CTIF: variants seen among roughly 807,000 people sequenced by gnomAD.
CTIF encodes the protein CBP80/20-dependent translation initiation factor.
Under a neutral mutation model 66.0 loss-of-function variants are expected in CTIF, and 21 were observed. The ratio of observed to expected loss-of-function variants is 0.32; its 90% confidence interval spans 0.23 to 0.46. CTIF has a LOEUF of 0.46. CTIF is among the 20% of genes least tolerant of loss of function. CTIF has a pLI of 1.00. For synonymous variants in CTIF, 345 were observed against 326.4 expected (o/e 1.06, Z -0.62); for missense variants, 739 against 812.7 (o/e 0.91, Z 1.10).
intron 9 of CTIF, among the ~76,000 whole-genome samples, chr18:48,795,002 T>C (rs1315599819): frequency 6.6e-6 from 1 of 151,822 alleles, no homozygotes; most frequent in Non-Finnish European, 1.5e-5. Context: ...CTGGCGAGAG[T>C]CCTGTGTGAG....
chr18:48,603,509 G>GGATGGATA lies in CTIF; in HGVS notation c.-28-16022_-28-16021insAGATGGAT, dbSNP rs1310105832. On this transcript the variant is annotated intron_variant, in intron 1 of 11. Transcript: ENST00000256413. ...TGGGTGGGTGGGTGGGTGGATGGAT[G>GGATGGATA]GATGGATGGATGGATGGATAGATGG... Among the ~76,000 whole-genome samples the GGATGGATA allele has an allele frequency of 4.0e-5, 6 of 150,190 alleles. No individual in the cohort carries two copies. In the South Asian group the frequency reaches 1.1e-3, roughly 27 times the overall value.
chr18:48,761,811 C>A lies in CTIF; in HGVS notation c.1371+122C>A. The A allele has an allele frequency of 1.0e-6, 1 of 977,774 alleles. No individual in the cohort carries two copies. Among genetic ancestry groups the A allele is most frequent in the Middle Eastern group, 3.3e-4 (1 of 3,020 alleles). 60.6% of individuals were successfully genotyped at this position (977,774 alleles called of 1,614,324 possible). On this transcript the variant is annotated intron_variant, in intron 9 of 11. Transcript: ENST00000256413. This position sits in a 1 kb window ranked among gnomAD's most constrained non-coding sequence, Gnocchi z 4.2. ...GGACTTTTCCCAAGTTCCGCCCTTG[C>A]CCGATTAATTATAGAAAACACAAAG...
At chr18:48,836,363 A>C (rs2068809641) in intron 10 of CTIF, among the ~76,000 whole-genome samples, 1 of 152,070 alleles carries the variant, frequency 6.6e-6, no homozygotes. Flanking sequence ...GCCTGATTCT[A>C]AGGGCTGTGT....
At chr18:48,787,220 G>T (rs1911790079) in intron 9 of CTIF, among the ~76,000 whole-genome samples, 1 of 151,892 alleles carries the variant, frequency 6.6e-6, no homozygotes, top group Non-Finnish European at 1.5e-5. Flanking sequence ...TAGGGCAAAG[G>T]AGGGGCCCAG....
In CTIF at chr18:48,807,645, A is replaced by G. The variant is rs192139999; in HGVS notation, c.1372-9576A>G. Among the ~76,000 whole-genome samples, 86 of 150,234 alleles carry G rather than the reference A, an allele frequency of 5.7e-4. 1 individual carries two copies. The highest frequency in any genetic ancestry group is 1.9e-3 in the African/African-American group (79 of 40,698). ...GCCCAGGCTGGAGTGCAGTGGCGCA[A>G]TCTCGGCTCACTGCAACTTCCACCT... On this transcript the variant is annotated intron_variant, in intron 9 of 11. Transcript: ENST00000256413.
chr18:48,839,698 G>T (rs2068894159), intron 10 of CTIF, among the ~76,000 whole-genome samples: 1 of 152,164 alleles, frequency 6.6e-6, no homozygotes. Context: ...TGCAACATCT[G>T]TCTTCCCTCC....
At chr18:48,717,483 A>G (rs1158370890) in intron 7 of CTIF, among the ~76,000 whole-genome samples, 1 of 152,034 alleles carries the variant, frequency 6.6e-6, no homozygotes. Context: ...TCCTCTGCCA[A>G]CGTGAACCCA....
rs370344340 is a variant in CTIF, at chr18:48,559,868, C to T, written c.-29+20556C>T. On this transcript the variant is annotated intron_variant, in intron 1 of 11. Transcript: ENST00000256413. ...TTGGGTACAGTGTTCACTATTCAGG[C>T]ATGAGTACACTAAAAGCCCAGACTT... Among the ~76,000 whole-genome samples the T allele has an allele frequency of 1.0e-3, 155 of 152,274 alleles. 1 individual carries two copies. The highest frequency in any genetic ancestry group is 6.8e-3 in the Middle Eastern group (2 of 294).
chr18:48,768,498 G>T (rs1184852226), intron 9 of CTIF, among the ~76,000 whole-genome samples: 3 of 152,192 alleles, frequency 2.0e-5, no homozygotes, highest in African/African-American at 7.2e-5. Flanking sequence ...TTATACATGG[G>T]GAAAGTGGCT....
chr18:48,755,607 G>A (rs1000087224), intron 7 of CTIF: 5 of 152,272 alleles, frequency 3.3e-5, no homozygotes, highest in Admixed American at 6.5e-5. Context: ...GAGGAGGGGG[G>A]TGTGTTTGGG....
chr18:48,757,047 G>A (rs999050541), intron 7 of CTIF, among the ~76,000 whole-genome samples: 2 of 152,138 alleles, frequency 1.3e-5, no homozygotes, highest in African/African-American at 4.8e-5. Context: ...TCTGAGGCCT[G>A]TCTCCTTGGT....
chr18:48,671,331 C>T (rs1376737150), intron 6 of CTIF, among the ~76,000 whole-genome samples: 1 of 152,136 alleles, frequency 6.6e-6, no homozygotes, highest in Non-Finnish European at 1.5e-5. Context: ...AGTCTAGCTG[C>T]TCTCAGGAGT....
intron 1 of CTIF, among the ~76,000 whole-genome samples, chr18:48,577,724 C>T (rs1002929682): frequency 3.3e-5 from 5 of 152,262 alleles, no homozygotes. Context: ...AGGTACACAC[C>T]ACCATGCCTG....
chr18:48,543,407 C>T (rs979964716), intron 1 of CTIF, among the ~76,000 whole-genome samples: 5 of 152,168 alleles, frequency 3.3e-5, no homozygotes, highest in African/African-American at 4.8e-5. Flanking sequence ...GCTGACTCAC[C>T]GGCACCCTGA....
intron 6 of CTIF, among the ~76,000 whole-genome samples, chr18:48,706,360 T>G (rs924267620): frequency 6.6e-6 from 1 of 152,054 alleles, no homozygotes; most frequent in Non-Finnish European, 1.5e-5. Context: ...CATAGACGGG[T>G]GGGTGGCTGG....
chr18:48,841,717 C>T (rs1273653984), intron 10 of CTIF, among the ~76,000 whole-genome samples: 4 of 151,952 alleles, frequency 2.6e-5, no homozygotes, highest in Admixed American at 6.5e-5. Context: ...CCCACCAGCC[C>T]GGTGCCTGGG....
At chr18:48,724,427 G>A (rs768531373) in intron 7 of CTIF, among the ~76,000 whole-genome samples, 3 of 151,890 alleles carry the variant, frequency 2.0e-5, no homozygotes, top group African/African-American at 4.8e-5. Context: ...CAGTCTTCTC[G>A]CTGTTCTTTG....
At chr18:48,764,545 G>A (rs905407886) in intron 9 of CTIF, among the ~76,000 whole-genome samples, 16 of 152,132 alleles carry the variant, frequency 1.1e-4, no homozygotes, top group Non-Finnish European at 2.1e-4. Flanking sequence ...GGCGCTGGAA[G>A]CCTCCCTTCT....
intron 6 of CTIF, 118 bp from the exon 7 acceptor site, chr18:48,711,501 T>C (rs1271167267): frequency 1.2e-5 from 9 of 752,770 alleles, no homozygotes; most frequent in Non-Finnish European, 2.0e-5. Context: ...GAGTCTAGTC[T>C]CTCCAAACTC....
Sources: gnomAD v4.1 joint callset for allele counts (sites outside exome capture counted in the v4.1 genomes callset) on GRCh38, gnomAD v4.1.1 for gene constraint, Gnocchi (gnomAD v3.1) non-coding constraint, MANE v1.5 for transcripts, NCBI Gene and HGNC (gene_info 2026-07-23, HGNC 2026-07-21) for gene names.